The following CRYBG1 variants were observed in gnomAD, a reference collection of about 807,000 sequenced individuals.
The protein encoded by CRYBG1 is beta/gamma crystallin domain-containing protein 1.
A neutral mutation model predicts 189.2 loss-of-function variants in CRYBG1; 139 were observed. That is an observed-to-expected ratio of 0.73 (90% CI 0.64 to 0.85). The LOEUF (loss-of-function observed/expected upper bound fraction) is 0.85. Ranked by LOEUF, CRYBG1 falls within the 40% of genes least tolerant of loss-of-function variation. The pLI is 0.00. For missense variants in CRYBG1, 2,611 were observed against 2,675.8 expected (o/e 0.98, Z 0.53); for synonymous variants, 1,023 against 1,017.1 (o/e 1.01, Z -0.11).
intron 1 of CRYBG1, among the ~76,000 whole-genome samples, chr6:106,410,949 G>A (rs1350078445): frequency 6.6e-6 from 1 of 152,126 alleles, no homozygotes; most frequent in East Asian, 1.9e-4. Flanking sequence ...CATGGCACAT[G>A]TATAATGCCT....
intron 13 of CRYBG1, among the ~76,000 whole-genome samples, chr6:106,546,201 C>T (rs1353809269): frequency 2.0e-5 from 3 of 152,154 alleles, no homozygotes; most frequent in African/African-American, 7.2e-5. Flanking sequence ...CCAGGGACAT[C>T]AGAAAGAGTG....
At chr6:106,415,217 T>A (rs1289096008) in intron 1 of CRYBG1, among the ~76,000 whole-genome samples, 1 of 152,272 alleles carries the variant, frequency 6.6e-6, no homozygotes, top group Non-Finnish European at 1.5e-5. Flanking sequence ...TACATGTTTA[T>A]ACATTTTAGA....
intron 1 of CRYBG1, among the ~76,000 whole-genome samples, chr6:106,401,510 C>T (rs866543190): frequency 7.8e-6 from 1 of 128,628 alleles, no homozygotes; most frequent in Non-Finnish European, 1.6e-5. Context: ...CACCCACTAA[C>T]GTGTCATCTA....
At chr6:106,517,453 C>CACACAT (rs1562099264) in intron 3 of CRYBG1, among the ~76,000 whole-genome samples, 11 of 101,182 alleles carry the variant, frequency 1.1e-4, no homozygotes, top group Middle Eastern at 5.2e-3. Context: ...TATATACACA[C>CACACAT]ATATATATAT....
intron 2 of CRYBG1, among the ~76,000 whole-genome samples, chr6:106,481,872 G>T (rs540719584): frequency 2.6e-5 from 4 of 152,220 alleles, no homozygotes; most frequent in Admixed American, 2.0e-4. Context: ...TCCTGGGATA[G>T]GATACTACTC....
Position 106,568,788 on chromosome 6 carries a change from CT to C in CRYBG1, c.*225del, listed in dbSNP as rs1774973197. The C allele has an allele frequency of 2.3e-6, 1 of 439,180 alleles. No individual in the cohort carries two copies. Among genetic ancestry groups the C allele is most frequent in the African/African-American group, 2.0e-5 (1 of 51,064 alleles). 27.2% of individuals were successfully genotyped at this position (439,180 alleles called of 1,614,324 possible). On this transcript the variant is annotated 3_prime_UTR_variant, in exon 22 of 22. Coordinates refer to ENST00000633556, the MANE Select transcript of CRYBG1 (RefSeq NM_001371242.2). ...AATTTGTCCTCCTTTCATTTCTTGC[CT>C]TTCATTTTTGGTAGCTGCTTAAACA...
At chr6:106,541,709 C>T (rs1387538969) in intron 10 of CRYBG1, 88 bp downstream of exon 10, 3 of 917,538 alleles carry the variant, frequency 3.3e-6, no homozygotes, top group African/African-American at 1.7e-5. Flanking sequence ...TATTCCCACT[C>T]CATCTCTATG....
chr6:106,561,528 G>A (rs1317392584), intron 20 of CRYBG1, 28 bp downstream of exon 20: 4 of 1,596,802 alleles, frequency 2.5e-6, no homozygotes, highest in Middle Eastern at 1.7e-4. Context: ...ACGGGGGCCT[G>A]TGATGGCTTT....
intron 1 of CRYBG1, among the ~76,000 whole-genome samples, chr6:106,372,841 G>A (rs1033807782): frequency 2.0e-5 from 3 of 152,266 alleles, no homozygotes; most frequent in Non-Finnish European, 2.9e-5. Context: ...TGCCAAATAG[G>A]TATTTCTACC....
Position 106,553,628 on chromosome 6 carries a change from A to T in CRYBG1, c.5585+61A>T, listed in dbSNP as rs1020863606. The T allele has an allele frequency of 2.6e-6, 3 of 1,138,272 alleles. No individual in the cohort carries two copies. In the African/African-American group the frequency reaches 4.6e-5, roughly 18 times the overall value. The allele number at this position is 1,138,272 out of a possible 1,614,324, so 70.5% of individuals were successfully genotyped here. ...TGGAGTAAAACAGAATTCACACATC[A>T]GCAAGTATATAGTGATGCCTGTTAG... On this transcript the variant is annotated intron_variant, in intron 16 of 21. Transcript: ENST00000633556.
chr6:106,462,205 CTG>C (rs1469076025), intron 2 of CRYBG1, among the ~76,000 whole-genome samples: 1 of 152,122 alleles, frequency 6.6e-6, no homozygotes, highest in Non-Finnish European at 1.5e-5. Flanking sequence ...GAGTCTCGCT[CTG>C]TCGCCCAGGC....
intron 1 of CRYBG1, among the ~76,000 whole-genome samples, chr6:106,365,202 G>A (rs1771962735): frequency 6.6e-6 from 1 of 152,142 alleles, no homozygotes; most frequent in African/African-American, 2.4e-5. Context: ...GTGGAGGCGG[G>A]TGGATCACCT....
intron 2 of CRYBG1, among the ~76,000 whole-genome samples, chr6:106,476,159 TATA>T (rs1772330685): frequency 6.6e-6 from 1 of 152,238 alleles, no homozygotes; most frequent in Non-Finnish European, 1.5e-5. Context: ...ACCTGTGGAA[TATA>T]ATTATCTTAA....
intron 1 of CRYBG1, among the ~76,000 whole-genome samples, chr6:106,375,424 A>AGT (rs59834164): frequency 0.48 from 45,832 of 95,852 alleles, 8,126 homozygotes; most frequent in Middle Eastern, 0.54. Context: ...TAAGTAAGTA[A>AGT]ATAAATAAAT....
At chr6:106,468,546 C>A (rs768259885) in intron 2 of CRYBG1, among the ~76,000 whole-genome samples, 2 of 152,100 alleles carry the variant, frequency 1.3e-5, no homozygotes, top group Non-Finnish European at 2.9e-5. Context: ...GTGAATTAGC[C>A]GGGCATGATG....
At chr6:106,401,235 C>T (rs1448854352) in intron 1 of CRYBG1, among the ~76,000 whole-genome samples, 2 of 152,134 alleles carry the variant, frequency 1.3e-5, no homozygotes, top group African/African-American at 4.8e-5. Context: ...ATGAGTGACT[C>T]TTAAGTAAGG....
At chr6:106,507,619 C>T (rs1773160166) in intron 2 of CRYBG1, among the ~76,000 whole-genome samples, 3 of 152,184 alleles carry the variant, frequency 2.0e-5, no homozygotes, top group Admixed American at 6.5e-5. Context: ...TTTAAGACCC[C>T]AGACCCAAAG....
At chr6:106,565,272 G>A (rs1251286661) in intron 21 of CRYBG1, among the ~76,000 whole-genome samples, 1 of 151,102 alleles carries the variant, frequency 6.6e-6, no homozygotes, top group Non-Finnish European at 1.5e-5. Flanking sequence ...ACTGAGCCGA[G>A]ATTGTGCCAC....
Position 106,570,866 on chromosome 6 carries a change from A to C in CRYBG1, c.*2300A>C, listed in dbSNP as rs971500110. 6.6e-6 allele frequency: 1 copy of C among 152,234 alleles called. No homozygotes were observed. The highest frequency in any genetic ancestry group is 2.4e-5 in the African/African-American group (1 of 41,456). The allele number at this position is 152,234 out of a possible 1,614,324, so 9.4% of individuals were successfully genotyped here. A position where few individuals can be genotyped will look rare whatever the true frequency, so the allele number is the denominator to read the frequency against. On this transcript the variant is annotated 3_prime_UTR_variant, in exon 22 of 22. Transcript: ENST00000633556. The stretch of plus-strand genomic sequence containing the variant: ...AACGAGTGTCTAACAGGAATAAACC[A>C]AGCAGAAATCTCAAAACAGGTCTAC...
Sources: gnomAD v4.1 joint callset for allele counts (sites outside exome capture counted in the v4.1 genomes callset) on GRCh38, gnomAD v4.1.1 for gene constraint, MANE v1.5 for transcripts, NCBI Gene and HGNC (gene_info 2026-07-23, HGNC 2026-07-21) for gene names.